ADAMTS2: variants seen among roughly 807,000 people sequenced by gnomAD.
ADAMTS2 encodes ADAM metallopeptidase with thrombospondin type 1 motif 2, also known as A disintegrin and metalloproteinase with thrombospondin motifs 2.
ADAMTS2 carries 50 observed loss-of-function variants against 123.0 expected under a neutral mutation model. The observed-to-expected ratio is 0.41, with a 90% CI of 0.32 to 0.51. ADAMTS2 has a LOEUF of 0.51. ADAMTS2 is among the 20% of genes least tolerant of loss of function. ADAMTS2 has a pLI of 0.35. For synonymous variants in ADAMTS2, 678 were observed against 695.4 expected, an observed-to-expected ratio of 0.98 and a Z score of 0.39; for missense variants, 1,494 against 1,705.2, an observed-to-expected ratio of 0.88 and a Z score of 2.18.
At chr5:179,248,104 G>A (rs910505704) in intron 3 of ADAMTS2, among the ~76,000 whole-genome samples, 3 of 152,122 alleles carry the variant, frequency 2.0e-5, no homozygotes, top group South Asian at 2.1e-4. Flanking sequence ...GGAAGACAGA[G>A]CTGTATAGGA....
intron 3 of ADAMTS2, among the ~76,000 whole-genome samples, chr5:179,236,057 A>G (rs1765515441): frequency 6.6e-6 from 1 of 152,182 alleles, no homozygotes; most frequent in African/African-American, 2.4e-5. Context: ...CTCTTGGCAC[A>G]TCTCAGCTTC....
chr5:179,264,932 GCGCGCTGACCCCT>G (rs1766324227), intron 3 of ADAMTS2, among the ~76,000 whole-genome samples: 1 of 106,150 alleles, frequency 9.4e-6, no homozygotes, highest in Admixed American at 9.8e-5. Flanking sequence ...GCGGAGCTGA[GCGCGCTGACCCCT>G]GCACCAGCGC....
intron 4 of ADAMTS2, among the ~76,000 whole-genome samples, chr5:179,198,210 C>T (rs1033428366): frequency 2.6e-5 from 4 of 152,180 alleles, no homozygotes; most frequent in Non-Finnish European, 4.4e-5. Flanking sequence ...GAGGCAGCAA[C>T]GCAAGGTGGA....
rs143622449 is a variant in ADAMTS2 at position 179,249,442 on chromosome 5, A to G, written c.688+23469T>C. ...AAATAGAGAATTGAAAAACAATAAG[A>G]AGACTCAATGAAACCAAAAGCTGGT... On this transcript the variant is annotated intron_variant, in intron 3 of 21. Transcript: ENST00000251582. Among the ~76,000 whole-genome samples, 869 of 152,236 alleles carry G rather than the reference A, an allele frequency of 5.7e-3. 11 individuals carry two copies. Among genetic ancestry groups the G allele is most frequent in the African/African-American group, 0.02 (831 of 41,582 alleles).
intron 3 of ADAMTS2, among the ~76,000 whole-genome samples, chr5:179,251,728 T>C (rs1477119020): frequency 6.6e-6 from 1 of 152,178 alleles, no homozygotes; most frequent in Non-Finnish European, 1.5e-5. Context: ...CACAAAGACT[T>C]GTCCACAAAT....
intron 2 of ADAMTS2, among the ~76,000 whole-genome samples, chr5:179,284,375 T>C (rs1293867991): frequency 6.6e-6 from 1 of 151,602 alleles, no homozygotes; most frequent in African/African-American, 2.4e-5. Context: ...CAATAAATGG[T>C]CAGATTATTA....
chr5:179,219,097 G>A (rs891265137), intron 3 of ADAMTS2, among the ~76,000 whole-genome samples: 1 of 152,188 alleles, frequency 6.6e-6, no homozygotes, highest in Non-Finnish European at 1.5e-5. Flanking sequence ...AGTGCCCAAG[G>A]GGTCCTGTTA....
chr5:179,228,778 C>G lies in ADAMTS2; in HGVS notation c.689-21063G>C, dbSNP rs1429747305. Among the ~76,000 whole-genome samples the G allele has an allele frequency of 1.3e-5, 2 of 152,246 alleles. No homozygotes were observed. Among genetic ancestry groups the G allele is most frequent in the Non-Finnish European group, 2.9e-5 (2 of 68,048 alleles). ...GTGGGGCTCCAGACCCGGGGCGGTG[C>G]CTTCACCACGGCCTCCTCATCCAGC... On this transcript the variant is annotated intron_variant, in intron 3 of 21. Transcript: ENST00000251582. This position sits in a 1 kb window ranked among gnomAD's most constrained non-coding sequence, Gnocchi z 5.2.
chr5:179,336,990 A>G (rs1378695888), intron 2 of ADAMTS2, among the ~76,000 whole-genome samples: 3 of 151,850 alleles, frequency 2.0e-5, no homozygotes, highest in Non-Finnish European at 4.4e-5. Context: ...TGTGCACCCC[A>G]CTCTGCAGCC....
chr5:179,204,841 C>T (rs891011454), intron 4 of ADAMTS2, among the ~76,000 whole-genome samples: 6 of 152,222 alleles, frequency 3.9e-5, no homozygotes, highest in African/African-American at 1.4e-4. Context: ...CTCTGCCACG[C>T]CCCGCCGCCT....
intron 10 of ADAMTS2, among the ~76,000 whole-genome samples, chr5:179,148,439 G>A (rs1304469585): frequency 2.6e-5 from 4 of 152,166 alleles, no homozygotes; most frequent in Non-Finnish European, 4.4e-5. Flanking sequence ...CGGTTCAAAC[G>A]TTGCTTCAAT....
At chr5:179,152,102 C>T (rs1437991996) in intron 10 of ADAMTS2, 40 bp downstream of exon 10, 2 of 1,576,672 alleles carry the variant, frequency 1.3e-6, no homozygotes, top group African/African-American at 1.3e-5. Context: ...TTCCTGTCCT[C>T]TGCCCTGCTG....
intron 13 of ADAMTS2, among the ~76,000 whole-genome samples, chr5:179,133,868 AAT>A (rs1491455510): frequency 7.2e-6 from 1 of 138,506 alleles, no homozygotes; most frequent in Non-Finnish European, 1.6e-5. Context: ...AGTCCCAGCT[AAT>A]TTTTTTTTTT....
intron 19 of ADAMTS2, among the ~76,000 whole-genome samples, chr5:179,124,513 C>G (rs748604603): frequency 6.6e-6 from 1 of 152,234 alleles, no homozygotes. Context: ...GGGCTACCCT[C>G]AGTTTCCTGG....
intron 3 of ADAMTS2, among the ~76,000 whole-genome samples, chr5:179,267,896 T>A (rs1285632221): frequency 6.6e-6 from 1 of 152,052 alleles, no homozygotes; most frequent in East Asian, 1.9e-4. Context: ...CCTGAGTGAC[T>A]CCCCAGACCC....
At chr5:179,237,479 G>T (rs1446284403) in intron 3 of ADAMTS2, among the ~76,000 whole-genome samples, 3 of 152,170 alleles carry the variant, frequency 2.0e-5, no homozygotes, top group Admixed American at 6.5e-5. Context: ...AAGCCACCTG[G>T]TGTTGGGGGT....
At chr5:179,264,206 T>C (rs1192018912) in intron 3 of ADAMTS2, among the ~76,000 whole-genome samples, 1 of 151,980 alleles carries the variant, frequency 6.6e-6, no homozygotes, top group African/African-American at 2.4e-5. Context: ...AAGAGGCCTC[T>C]GTCTAGGGAC....
rs142275705 is a variant in ADAMTS2 at position 179,137,809 on chromosome 5, G to A, written c.1911C>T (p.Gly637=). 82 of 1,579,648 alleles carry A rather than the reference G, an allele frequency of 5.2e-5. No homozygotes were observed. The highest frequency in any genetic ancestry group is 1.5e-4 in the South Asian group (13 of 85,994). ...GGGGCAGCCAGTGGTGCTGGGCGTC[G>A]CCGTGCTCGAAGTACAGGTCCCACT... ...CRQWDLYFEH[G]DAQHHWLPHE... The change falls in exon 12 of 22, where the codon GGC becomes GGT. Residue 637 remains glycine, a synonymous_variant. Coordinates refer to ENST00000251582, the MANE Select transcript of ADAMTS2 (RefSeq NM_014244.5).
chr5:179,251,620 C>T (rs1765927968), intron 3 of ADAMTS2, among the ~76,000 whole-genome samples: 2 of 152,132 alleles, frequency 1.3e-5, no homozygotes, highest in African/African-American at 4.8e-5. Context: ...TTTTGGAAAA[C>T]AGTCTTGGTG....
Sources: allele counts gnomAD v4.1 joint callset (sites outside exome capture counted in the v4.1 genomes callset), GRCh38; gene constraint gnomAD v4.1.1; non-coding constraint Gnocchi (gnomAD v3.1); transcripts MANE v1.5; gene names NCBI Gene and HGNC (gene_info 2026-07-23, HGNC 2026-07-21).